PHF24: variants seen among roughly 807,000 people sequenced by gnomAD.
PHF24 encodes Galpha inhibitory interacting protein.
Under a neutral mutation model 42.6 loss-of-function variants are expected in PHF24, and 25 were observed. That is an observed-to-expected ratio of 0.59 (90% CI 0.43 to 0.82). PHF24 has a LOEUF of 0.82. PHF24 is among the 40% of genes least tolerant of loss of function. The probability of loss-of-function intolerance (pLI) is 0.00; values close to 1 mark genes in which losing one functional copy is unlikely to be tolerated. For missense variants in PHF24, 470 were observed against 538.1 expected, an observed-to-expected ratio of 0.87 and a Z score of 1.25; for synonymous variants, 185 against 204.8, an observed-to-expected ratio of 0.90 and a Z score of 0.83.
the PHF24 span, among the ~76,000 whole-genome samples, chr9:34,851,589 A>G: frequency 1.3e-5 from 2 of 152,168 alleles, no homozygotes; most frequent in African/African-American, 4.8e-5. Context: ...TTCGGCTCGC[A>G]CACAGTGCGC....
At chr9:34,907,710 T>C in the PHF24 span, among the ~76,000 whole-genome samples, 1 of 152,226 alleles carries the variant, frequency 6.6e-6, no homozygotes, top group Admixed American at 6.5e-5. Flanking sequence ...GTCCAGTCTT[T>C]CATCCAATTT....
chr9:34,750,284 C>G, the PHF24 span, among the ~76,000 whole-genome samples: 6 of 152,016 alleles, frequency 3.9e-5, no homozygotes, highest in Non-Finnish European at 7.4e-5. Context: ...CACTTGAGGC[C>G]AAGAGTTTGA....
the PHF24 span, among the ~76,000 whole-genome samples, chr9:34,858,612 G>T: frequency 6.6e-6 from 1 of 152,186 alleles, no homozygotes; most frequent in Non-Finnish European, 1.5e-5. Context: ...CCAGCCTGGT[G>T]CCTGAGCCCA....
chr9:34,945,128 T>C, the PHF24 span, among the ~76,000 whole-genome samples: 1 of 152,172 alleles, frequency 6.6e-6, no homozygotes, highest in Non-Finnish European at 1.5e-5. Context: ...TCAGAGAGTT[T>C]TCCCAGGTAA....
the PHF24 span, among the ~76,000 whole-genome samples, chr9:34,817,755 GT>G: frequency 6.6e-6 from 1 of 152,040 alleles, no homozygotes; most frequent in Non-Finnish European, 1.5e-5. Flanking sequence ...GGATCATTTT[GT>G]TATTGGACTA....
chr9:34,882,092 A>G, the PHF24 span, among the ~76,000 whole-genome samples: 1 of 152,230 alleles, frequency 6.6e-6, no homozygotes, highest in Non-Finnish European at 1.5e-5. Context: ...CATCATATAA[A>G]CAGAACCAAA....
the PHF24 span, among the ~76,000 whole-genome samples, chr9:34,765,814 G>A: frequency 3.9e-5 from 6 of 152,128 alleles, no homozygotes; most frequent in African/African-American, 1.4e-4. Flanking sequence ...TTTACAATTT[G>A]GCATGATTTT....
the PHF24 span, among the ~76,000 whole-genome samples, chr9:34,682,250 G>C: frequency 6.6e-6 from 1 of 151,350 alleles, no homozygotes; most frequent in South Asian, 2.1e-4. Context: ...AAAGTGCAGG[G>C]ATTACAGTCA....
At chr9:34,907,645 G>A in the PHF24 span, among the ~76,000 whole-genome samples, 1 of 152,254 alleles carries the variant, frequency 6.6e-6, no homozygotes, top group South Asian at 2.1e-4. Flanking sequence ...TAAAAGGCTA[G>A]TGCTTCAAAA....
the PHF24 span, among the ~76,000 whole-genome samples, chr9:34,671,588 TC>T: frequency 2.0e-5 from 3 of 152,212 alleles, no homozygotes; most frequent in Non-Finnish European, 4.4e-5. Flanking sequence ...GAGAGCCTGT[TC>T]CTTGTCTGTT....
chr9:34,940,131 T>TA, the PHF24 span, among the ~76,000 whole-genome samples: 1 of 152,148 alleles, frequency 6.6e-6, no homozygotes, highest in Non-Finnish European at 1.5e-5. Flanking sequence ...TTCACCCTTA[T>TA]ACAATGGGCC....
chr9:34,903,413 A>T, the PHF24 span, among the ~76,000 whole-genome samples: 1 of 152,148 alleles, frequency 6.6e-6, no homozygotes, highest in Non-Finnish European at 1.5e-5. Context: ...CAAAAAATAA[A>T]AAATTAGCTG....
At chr9:34,977,958 C>A in intron 7 of PHF24, 57 bp from the exon 8 acceptor site, 1 of 1,343,476 alleles carries the variant, frequency 7.4e-7, no homozygotes, top group Non-Finnish European at 1.1e-6. Flanking sequence ...CCCCTGGGAT[C>A]AGGGCTCACG....
At chr9:34,753,002 C>G in the PHF24 span, among the ~76,000 whole-genome samples, 1 of 152,012 alleles carries the variant, frequency 6.6e-6, no homozygotes, top group Non-Finnish European at 1.5e-5. Flanking sequence ...TAAAAACCCT[C>G]AAAATACTGC....
chr9:34,670,577 C>T, the PHF24 span, among the ~76,000 whole-genome samples: 7 of 152,298 alleles, frequency 4.6e-5, no homozygotes, highest in East Asian at 1.3e-3. Context: ...TTTTTGGCTT[C>T]AGCTCCGAGA....
At chr9:34,740,184 C>T in the PHF24 span, among the ~76,000 whole-genome samples, 2 of 152,252 alleles carry the variant, frequency 1.3e-5, no homozygotes, top group African/African-American at 2.4e-5. Context: ...CCAGTGGATT[C>T]CGCACCGGGG....
the PHF24 span, among the ~76,000 whole-genome samples, chr9:34,672,846 G>T: frequency 2.6e-5 from 4 of 151,954 alleles, no homozygotes; most frequent in East Asian, 3.9e-4. Context: ...TCACTCTGTC[G>T]CCCAGGCTGG....
At chr9:34,838,924 C>T in the PHF24 span, among the ~76,000 whole-genome samples, 2 of 152,134 alleles carry the variant, frequency 1.3e-5, no homozygotes. Context: ...TGGAAATATA[C>T]CTGAGAAGCA....
At chr9:34,955,333 A>AG (rs145671328), upstream of PHF24, among the ~76,000 whole-genome samples, 10,413 of 147,298 alleles carry the variant, frequency 0.071, 1,122 homozygotes, top group African/African-American at 0.24. Context: ...AAAAAAAAAG[A>AG]AAAGAAAGTT....
Sources: gnomAD v4.1 joint callset for allele counts (sites outside exome capture counted in the v4.1 genomes callset) on GRCh38, gnomAD v4.1.1 for gene constraint, MANE v1.5 for transcripts, NCBI Gene and HGNC (gene_info 2026-07-23, HGNC 2026-07-21) for gene names.